Variants in FAM135B observed in about 807,000 individuals in gnomAD.
The protein encoded by FAM135B is protein FAM135B.
In FAM135B, 43 loss-of-function variants were observed where a neutral mutation model predicts 127.7. The observed-to-expected ratio is 0.34, with a 90% CI of 0.26 to 0.43. The LOEUF is 0.43. FAM135B is among the 20% of genes least tolerant of loss of function. The probability of loss-of-function intolerance (pLI) is 1.00; values close to 1 mark genes in which losing one functional copy is unlikely to be tolerated. For missense variants in FAM135B, 1,558 were observed against 1,725.6 expected, an observed-to-expected ratio of 0.90 and a Z score of 1.72; for synonymous variants, 670 against 665.1, an observed-to-expected ratio of 1.01 and a Z score of -0.11.
chr8:138,257,267 G>A (rs897241842), intron 4 of FAM135B, among the ~76,000 whole-genome samples: 6 of 152,118 alleles, frequency 3.9e-5, no homozygotes, highest in African/African-American at 1.4e-4. Flanking sequence ...TGGGAAAGTG[G>A]TCACTTCTTC....
chr8:138,434,106 A>G (rs767828194), intron 1 of FAM135B, among the ~76,000 whole-genome samples: 6 of 152,238 alleles, frequency 3.9e-5, no homozygotes, highest in Non-Finnish European at 7.3e-5. Flanking sequence ...TTTAGTCACA[A>G]GGACAAAATA....
chr8:138,289,050 C>A (rs1824905586), intron 3 of FAM135B, among the ~76,000 whole-genome samples: 1 of 152,204 alleles, frequency 6.6e-6, no homozygotes, highest in Admixed American at 6.5e-5. Context: ...TTTCTCCACA[C>A]CTCCCTGACA....
chr8:138,171,289 C>T (rs115398338), intron 11 of FAM135B, among the ~76,000 whole-genome samples: 24 of 152,124 alleles, frequency 1.6e-4, no homozygotes, highest in African/African-American at 5.1e-4. Context: ...TGAAGCAAGT[C>T]GGGGAGAAGT....
In FAM135B at chr8:138,181,916, C is replaced by T. The variant is rs145349835; in HGVS notation, c.874-3226G>A. On this transcript the variant is annotated intron_variant, in intron 9 of 19. Transcript: ENST00000395297. ...CCTACATCCCCTGCATTTTGAGCTT[C>T]AGCCTTCTCACTATTCCCAGCCCCA... Among the ~76,000 whole-genome samples the T allele has an allele frequency of 6.9e-3, 1,054 of 152,274 alleles. 10 individuals are homozygous for T. Among genetic ancestry groups the T allele is most frequent in the African/African-American group, 0.023 (972 of 41,558 alleles).
intron 4 of FAM135B, among the ~76,000 whole-genome samples, chr8:138,262,748 A>G (rs1007653450): frequency 6.6e-6 from 1 of 151,742 alleles, no homozygotes; most frequent in Non-Finnish European, 1.5e-5. Flanking sequence ...AAAATACAAA[A>G]AAAATTAGCC....
chr8:138,216,727 G>T (rs1330162275), intron 7 of FAM135B, among the ~76,000 whole-genome samples: 1 of 152,186 alleles, frequency 6.6e-6, no homozygotes, highest in Non-Finnish European at 1.5e-5. Flanking sequence ...GTGATGGGTT[G>T]CTCATTAGAG....
intron 12 of FAM135B, among the ~76,000 whole-genome samples, chr8:138,159,860 G>A (rs1361457358): frequency 6.6e-6 from 1 of 152,020 alleles, no homozygotes; most frequent in African/African-American, 2.4e-5. Context: ...GTATTTATGG[G>A]GTCTTGATAA....
chr8:138,186,079 C>G (rs1051708088), intron 9 of FAM135B, among the ~76,000 whole-genome samples: 3 of 152,110 alleles, frequency 2.0e-5, no homozygotes, highest in African/African-American at 7.2e-5. Context: ...TGTCTGACAC[C>G]CCCCACTCCT....
At chr8:138,446,821 A>C (rs1283232854) in intron 1 of FAM135B, among the ~76,000 whole-genome samples, 1 of 151,804 alleles carries the variant, frequency 6.6e-6, no homozygotes, top group Non-Finnish European at 1.5e-5. Flanking sequence ...TAATTAAACT[A>C]AAGAGCTTCT....
chr8:138,337,060 C>G (rs542930869), intron 2 of FAM135B, among the ~76,000 whole-genome samples: 7,388 of 152,056 alleles, frequency 0.049, 466 homozygotes, highest in African/African-American at 0.16. Flanking sequence ...TTCAACAACC[C>G]TTCATGCTAA....
At chr8:138,453,123 G>C (rs1836584809) in intron 1 of FAM135B, among the ~76,000 whole-genome samples, 1 of 152,080 alleles carries the variant, frequency 6.6e-6, no homozygotes, top group Non-Finnish European at 1.5e-5. Context: ...CCACTCAGAA[G>C]TAAAAAATGA....
rs1817105211 is a variant in FAM135B at position 138,141,132 on chromosome 8, C to T, written c.3790+66G>A. ...AGGGTTCCAAGTGGAAGTACCTGTG[C>T]CCGGTTTCACGCCCCAGAGGCCCCA... On this transcript the variant is annotated intron_variant, in intron 17 of 19. Transcript: ENST00000395297. The surrounding 1 kb of genome is among the most constrained non-coding windows in gnomAD (Gnocchi z 4.7). 6.6e-7 allele frequency: 1 copy of T among 1,523,152 alleles called. No homozygotes were observed. Among genetic ancestry groups the T allele is most frequent in the Non-Finnish European group, 9.0e-7 (1 of 1,108,176 alleles). The allele number at this position is 1,523,152 out of a possible 1,614,324, so 94.4% of individuals were successfully genotyped here.
At chr8:138,381,415 C>T (rs988083251) in intron 1 of FAM135B, among the ~76,000 whole-genome samples, 1 of 152,132 alleles carries the variant, frequency 6.6e-6, no homozygotes, top group African/African-American at 2.4e-5. Flanking sequence ...ACAGCCATGC[C>T]ACCGCCCTCC....
chr8:138,211,343 C>T (rs992614880), intron 7 of FAM135B, among the ~76,000 whole-genome samples: 2 of 152,146 alleles, frequency 1.3e-5, no homozygotes, highest in South Asian at 2.1e-4. Flanking sequence ...CTACTAGTCC[C>T]GTTCTACAGA....
chr8:138,276,759 A>T (rs191574547), intron 3 of FAM135B, among the ~76,000 whole-genome samples: 1 of 152,220 alleles, frequency 6.6e-6, no homozygotes, highest in East Asian at 1.9e-4. Flanking sequence ...TTGCACTTGC[A>T]GTCTGGAGCA....
intron 1 of FAM135B, among the ~76,000 whole-genome samples, chr8:138,414,149 A>T (rs1834018286): frequency 1.0e-5 from 1 of 99,904 alleles, no homozygotes; most frequent in African/African-American, 3.7e-5. Flanking sequence ...TGCACAAAAA[A>T]TATATAAGAA....
At chr8:138,389,950 G>A (rs1413066802) in intron 1 of FAM135B, among the ~76,000 whole-genome samples, 1 of 152,146 alleles carries the variant, frequency 6.6e-6, no homozygotes, top group African/African-American at 2.4e-5. Flanking sequence ...GAATAAGGAT[G>A]CCTTATTGTA....
At position 138,151,923 on chromosome 8, in the gene FAM135B, T is replaced by C. The variant is rs746974058; in HGVS notation, c.2552A>G (p.Lys851Arg). 6.2e-6 allele frequency: 10 copies of C among 1,614,080 alleles called. No individual in the cohort carries two copies. Among genetic ancestry groups the C allele is most frequent in the Non-Finnish European group, 8.5e-6 (10 of 1,180,050 alleles). ...TCCTTGAGCATCAAACTGCTTCCCT[T>C]TCCCTTTGGGGATGTCTATGTATCC... Reference protein sequence around the residue: ...GPGYIDIPKGKGKQFDAQGHC... With the variant: ...GPGYIDIPKGRGKQFDAQGHC... The change falls in exon 13 of 20, where the codon AAA (lysine) becomes AGA (arginine). Residue 851 changes from lysine to arginine, a missense_variant. Lys to Arg is a conservative substitution (Grantham distance 26, BLOSUM62 2). This residue lies in a region of FAM135B where 923 missense variants were observed against 865.3 expected (regional missense o/e 1.07). Coordinates refer to ENST00000395297, the MANE Select transcript of FAM135B (RefSeq NM_015912.4).
At chr8:138,353,118 G>A (rs1829880417) in intron 2 of FAM135B, among the ~76,000 whole-genome samples, 2 of 152,060 alleles carry the variant, frequency 1.3e-5, no homozygotes, top group African/African-American at 4.8e-5. Flanking sequence ...CACACCTTCT[G>A]TACCATTCCT....
Sources: gnomAD v4.1 joint callset for allele counts (sites outside exome capture counted in the v4.1 genomes callset) on GRCh38, gnomAD v4.1.1 for gene constraint, gnomAD v4.1.1 regional missense constraint, Gnocchi (gnomAD v3.1) non-coding constraint, MANE v1.5 for transcripts, NCBI Gene and HGNC (gene_info 2026-07-23, HGNC 2026-07-21) for gene names.